EXT1: variants seen among roughly 807,000 people sequenced by gnomAD.
The protein encoded by EXT1 is exostosin-1.
A neutral mutation model predicts 82.5 loss-of-function variants in EXT1; 20 were observed. That is an observed-to-expected ratio of 0.24 (90% confidence interval 0.17 to 0.35). The LOEUF (loss-of-function observed/expected upper bound fraction) is 0.35. Among genes scored for constraint, EXT1 ranks in the 10% least tolerant of loss-of-function variants. The pLI is 1.00. For missense variants in EXT1, 757 were observed against 936.5 expected (o/e 0.81, Z 2.50); for synonymous variants, 348 against 350.8 (o/e 0.99, Z 0.09).
chr8:118,057,145 C>T (rs1452776392), intron 1 of EXT1, among the ~76,000 whole-genome samples: 1 of 152,186 alleles, frequency 6.6e-6, no homozygotes, highest in African/African-American at 2.4e-5. Flanking sequence ...AATAGATGCT[C>T]AACAGTTATG....
intron 7 of EXT1, among the ~76,000 whole-genome samples, chr8:117,815,504 C>T (rs17503187): frequency 0.02 from 2,991 of 152,202 alleles, 92 homozygotes; most frequent in African/African-American, 0.068. Flanking sequence ...ATTGCCTCAG[C>T]GACCTTCTTA....
intron 1 of EXT1, among the ~76,000 whole-genome samples, chr8:117,901,099 A>G (rs916273254): frequency 2.0e-5 from 3 of 152,192 alleles, no homozygotes; most frequent in Non-Finnish European, 4.4e-5. Context: ...CAGGGACCAG[A>G]GCACTCTTTA....
intron 1 of EXT1, among the ~76,000 whole-genome samples, chr8:118,103,363 T>C (rs575570042): frequency 6.6e-6 from 1 of 152,266 alleles, no homozygotes; most frequent in African/African-American, 2.4e-5. Context: ...CCCAGGCTAG[T>C]ATGATCTAGA....
chr8:118,002,269 T>C (rs1279631882), intron 1 of EXT1, among the ~76,000 whole-genome samples: 1 of 151,262 alleles, frequency 6.6e-6, no homozygotes, highest in Non-Finnish European at 1.5e-5. Flanking sequence ...TTAAAAATGG[T>C]TTGTGGGAGG....
intron 1 of EXT1, among the ~76,000 whole-genome samples, chr8:117,860,871 C>G (rs1040631738): frequency 6.6e-6 from 1 of 152,186 alleles, no homozygotes; most frequent in African/African-American, 2.4e-5. Context: ...AACCCCTGGT[C>G]TACAGGTAAA....
At chr8:117,908,569 G>A (rs1813584139) in intron 1 of EXT1, among the ~76,000 whole-genome samples, 1 of 152,076 alleles carries the variant, frequency 6.6e-6, no homozygotes, top group Admixed American at 6.6e-5. Flanking sequence ...GGCAGAGGTT[G>A]CAGTGAGCCA....
chr8:118,001,554 T>G (rs933990310), intron 1 of EXT1, among the ~76,000 whole-genome samples: 1 of 152,130 alleles, frequency 6.6e-6, no homozygotes, highest in African/African-American at 2.4e-5. Context: ...GTACACACTC[T>G]GCTTTACTGA....
chr8:118,040,602 T>C lies in EXT1; in HGVS notation c.962+69483A>G, dbSNP rs544383354. On this transcript the variant is annotated intron_variant, in intron 1 of 10. Transcript: ENST00000378204. ...TCTAGATCCAAAGACCACTGATATG[T>C]CTGTGGGACACCATCCAAAGGTCAT... Among the ~76,000 whole-genome samples the C allele has an allele frequency of 3.9e-5, 6 of 152,300 alleles. No homozygotes were observed. The South Asian group carries it at 1.2e-3, about 32-fold the overall frequency.
intron 1 of EXT1, among the ~76,000 whole-genome samples, chr8:118,028,646 C>G (rs1428395456): frequency 1.3e-5 from 2 of 151,840 alleles, no homozygotes; most frequent in Non-Finnish European, 2.9e-5. Flanking sequence ...AAAAAGTAAG[C>G]CAGCCGGGCG....
intron 1 of EXT1, among the ~76,000 whole-genome samples, chr8:117,919,427 C>T (rs1813814161): frequency 6.6e-6 from 1 of 151,828 alleles, no homozygotes; most frequent in Admixed American, 6.6e-5. Context: ...CAGGCTCAAG[C>T]AGTCCTCCCA....
At chr8:117,830,624 G>A (rs1346017482) in intron 3 of EXT1, among the ~76,000 whole-genome samples, 1 of 152,178 alleles carries the variant, frequency 6.6e-6, no homozygotes, top group Non-Finnish European at 1.5e-5. Flanking sequence ...GCTTAGGTTA[G>A]TCTATAGTCA....
intron 1 of EXT1, among the ~76,000 whole-genome samples, chr8:118,073,562 G>A (rs898273859): frequency 2.6e-5 from 4 of 152,204 alleles, no homozygotes; most frequent in African/African-American, 4.8e-5. Context: ...CAGAGGTTGC[G>A]GTAGCTGAGA....
intron 1 of EXT1, among the ~76,000 whole-genome samples, chr8:118,022,326 CTTTTTTTTTTTT>C (rs71307420): frequency 1.3e-4 from 6 of 46,196 alleles, no homozygotes; most frequent in East Asian, 1.7e-3. Flanking sequence ...CATATATATT[CTTTTTTTTTTTT>C]TTTTTTTTTT....
chr8:118,036,825 G>A (rs1267720574), intron 1 of EXT1, among the ~76,000 whole-genome samples: 1 of 151,966 alleles, frequency 6.6e-6, no homozygotes, highest in African/African-American at 2.4e-5. Flanking sequence ...TTGTTCTTTT[G>A]AGCCTCTATG....
chr8:118,014,441 G>A (rs548234290), intron 1 of EXT1, among the ~76,000 whole-genome samples: 4 of 152,060 alleles, frequency 2.6e-5, no homozygotes, highest in Non-Finnish European at 4.4e-5. Flanking sequence ...TCTCATGTCC[G>A]TGCATCCCTT....
intron 1 of EXT1, among the ~76,000 whole-genome samples, chr8:117,898,596 G>A (rs1813386154): frequency 6.6e-6 from 1 of 152,104 alleles, no homozygotes; most frequent in East Asian, 1.9e-4. Context: ...ACTTTTCTAG[G>A]TTTGGTAAAA....
intron 1 of EXT1, among the ~76,000 whole-genome samples, chr8:118,033,326 G>C (rs1351425386): frequency 6.6e-6 from 1 of 152,130 alleles, no homozygotes; most frequent in Non-Finnish European, 1.5e-5. Flanking sequence ...TCTGTACCAA[G>C]GCTCAGGTCT....
intron 1 of EXT1, among the ~76,000 whole-genome samples, chr8:118,053,653 C>T (rs1394105114): frequency 1.3e-5 from 2 of 152,134 alleles, no homozygotes. Flanking sequence ...AGCAAATAAT[C>T]GGTGGCCTCA....
intron 1 of EXT1, among the ~76,000 whole-genome samples, chr8:117,963,531 C>T (rs1472776991): frequency 6.6e-6 from 1 of 152,100 alleles, no homozygotes; most frequent in African/African-American, 2.4e-5. Flanking sequence ...CACTCAATCA[C>T]CCAGGCTGGA....
Sources: allele counts gnomAD v4.1 joint callset (sites outside exome capture counted in the v4.1 genomes callset), GRCh38; gene constraint gnomAD v4.1.1; transcripts MANE v1.5; gene names NCBI Gene and HGNC (gene_info 2026-07-23, HGNC 2026-07-21).